Variants in PRDM11 observed in about 807,000 individuals in gnomAD.
PRDM11 encodes PR domain-containing protein 11.
Under a neutral mutation model 97.8 loss-of-function variants are expected in PRDM11, and 20 were observed. The observed-to-expected ratio is 0.20, with a 90% CI of 0.14 to 0.30. PRDM11 has a LOEUF of 0.30. Among genes scored for constraint, PRDM11 ranks in the 10% least tolerant of loss-of-function variants. The pLI, the probability that PRDM11 is intolerant of heterozygous loss-of-function variation, is 1.00. For missense variants in PRDM11, 1,139 were observed against 1,555.2 expected (o/e 0.73, Z 4.50); for synonymous variants, 599 against 637.7 (o/e 0.94, Z 0.91).
At chr11:45,179,617 G>A (rs937667856) in intron 1 of PRDM11, among the ~76,000 whole-genome samples, 8 of 152,200 alleles carry the variant, frequency 5.3e-5, no homozygotes, top group African/African-American at 1.9e-4. Context: ...CCTTCTGGAT[G>A]TGTCCTCATG....
chr11:45,225,949 G>T, intron 7 of PRDM11, 46 bp from the exon 8 acceptor site: 2 of 1,443,552 alleles, frequency 1.4e-6, no homozygotes, highest in Non-Finnish European at 1.8e-6. Context: ...GGAAAAGCCT[G>T]TTTTCTCCCC....
chr11:45,129,847 A>C (rs1353351112), intron 1 of PRDM11, among the ~76,000 whole-genome samples: 1 of 152,216 alleles, frequency 6.6e-6, no homozygotes, highest in Non-Finnish European at 1.5e-5. Context: ...AGAAGAATAA[A>C]GTTGGAGGAC....
chr11:45,227,016 C>T lies in PRDM11; in HGVS notation c.2391C>T (p.Tyr797=). ...AGCAGCTGCTGAGCTTCTACCGCTA[C>T]TCACCGCGCCTCATGTGCGAGCTGC... The part of the protein sequence containing the change: ...NLKQLLSFYR[Y]SPRLMCELRS... Residue 797 remains tyrosine, a synonymous_variant, in exon 8 of 8, where the codon TAC becomes TAT. Coordinates refer to ENST00000683152, the MANE Select transcript of PRDM11 (RefSeq NM_001384648.1). The surrounding 1 kb of genome is among the most constrained non-coding windows in gnomAD (Gnocchi z 8.0). 1 of 1,533,980 alleles carries T rather than the reference C, an allele frequency of 6.5e-7. No individual in the cohort carries two copies. Among genetic ancestry groups the T allele is most frequent in the Non-Finnish European group, 8.7e-7 (1 of 1,146,738 alleles).
chr11:45,182,226 C>A lies in PRDM11; in HGVS notation c.120-20C>A, dbSNP rs371606100. 3.1e-6 allele frequency: 5 copies of A among 1,605,362 alleles called. No individual in the cohort carries two copies. Among genetic ancestry groups the A allele is most frequent in the Middle Eastern group, 1.7e-4 (1 of 6,026 alleles). On this transcript the variant is annotated intron_variant, in intron 2 of 7. Transcript: ENST00000683152. ...TCTGATGACTTCTTTGCTTTCTTTG[C>A]GGGCCTCTGCCCTGGCCAGCTCTAG...
At chr11:45,214,018 G>A in intron 5 of PRDM11, 1 of 321,180 alleles carries the variant, frequency 3.1e-6, no homozygotes, top group Non-Finnish European at 6.1e-6. Flanking sequence ...CTCCCACCCT[G>A]CCCTGGCTCT....
chr11:45,183,849 G>A (rs1852607642), intron 4 of PRDM11, among the ~76,000 whole-genome samples: 1 of 152,144 alleles, frequency 6.6e-6, no homozygotes, highest in Non-Finnish European at 1.5e-5. Flanking sequence ...TATCTCCTTT[G>A]TGCCAGGCAC....
Position 45,227,241 on chromosome 11 carries a change from C to T in PRDM11, c.2616C>T (p.Leu872=). 3.9e-6 allele frequency: 6 copies of T among 1,533,992 alleles called. No homozygotes were observed. The highest frequency in any genetic ancestry group is 5.2e-6 in the Non-Finnish European group (6 of 1,146,742). ...TCGCACTGGCCCTGCTGCAGTTCCT[C>T]ATGGACTACCAGTCCATCAAGCTCA... The part of the protein sequence containing the change: ...SAIALALLQF[L]MDYQSIKLIY... The change falls in exon 8 of 8, where the codon CTC becomes CTT. Residue 872 remains leucine, a synonymous_variant. Transcript: ENST00000683152. This position sits in a 1 kb window ranked among gnomAD's most constrained non-coding sequence, Gnocchi z 8.0.
rs566509465 is a variant in PRDM11, at chr11:45,227,718, G to A, written c.3093G>A (p.Leu1031=). 75 of 1,533,906 alleles carry A rather than the reference G, an allele frequency of 4.9e-5. No individual in the cohort carries two copies. The African/African-American group carries it at 1.0e-3, about 20-fold the overall frequency. The change falls in exon 8 of 8, where the codon CTG becomes CTA. Residue 1031 remains leucine, a synonymous_variant. Transcript: ENST00000683152. This position sits in a 1 kb window ranked among gnomAD's most constrained non-coding sequence, Gnocchi z 8.0. ...TFSRDVCREG[L]DPRGSLLMEW... Reference sequence around the variant, plus strand: ...CCCGGGATGTCTGTAGGGAAGGGCTGGACCCCCGGGGTAGTCTGTTGATGG... The same window carrying A: ...CCCGGGATGTCTGTAGGGAAGGGCTAGACCCCCGGGGTAGTCTGTTGATGG...
chr11:45,226,521 C>T lies in PRDM11; in HGVS notation c.1896C>T (p.Asp632=). Residue 632 remains aspartate (D), a synonymous_variant, in exon 8 of 8, where the codon GAC becomes GAT. Transcript: ENST00000683152. ...TGGACCAGTACATGAATGAGGGAGA[C>T]TGCCAGATCCTCATCCATCACATCG... ...KVVDQYMNEG[D]CQILIHHIAR... 3 of 1,533,972 alleles carry T rather than the reference C, an allele frequency of 2.0e-6. No individual in the cohort carries two copies. The South Asian group carries it at 3.6e-5, about 18-fold the overall frequency.
At chr11:45,181,234 C>A (rs1852486934) in intron 1 of PRDM11, among the ~76,000 whole-genome samples, 1 of 151,932 alleles carries the variant, frequency 6.6e-6, no homozygotes, top group South Asian at 2.1e-4. Flanking sequence ...GGCTGGCCCT[C>A]GCCAGCGCCC....
chr11:45,187,951 G>T (rs1023433868), intron 4 of PRDM11, among the ~76,000 whole-genome samples: 2 of 152,054 alleles, frequency 1.3e-5, no homozygotes, highest in African/African-American at 2.4e-5. Context: ...GGAAGGTGGG[G>T]TGAACAGTGG....
intron 1 of PRDM11, 66 bp from the exon 2 acceptor site, chr11:45,181,695 C>T (rs987962339): frequency 1.4e-6 from 2 of 1,399,804 alleles, no homozygotes; most frequent in South Asian, 1.2e-5. Flanking sequence ...CCCTCTCCGC[C>T]GCTCACTCCT....
Position 45,232,622 on chromosome 11 carries a change from T to G in PRDM11, c.*4463T>G, listed in dbSNP as rs1375302804. 6.6e-6 allele frequency: 1 copy of G among 152,306 alleles called. No individual in the cohort carries two copies. The highest frequency in any genetic ancestry group is 6.5e-5 in the Admixed American group (1 of 15,282). The allele number at this position is 152,306 out of a possible 1,614,324, so 9.4% of individuals were successfully genotyped here. A position where few individuals can be genotyped will look rare whatever the true frequency, so the allele number is the denominator to read the frequency against. ...GGTGTGCCCATTCCAGACACCAGTC[T>G]TCTGGGGAGGTGGTGCCGTGTCATG... On this transcript the variant is annotated 3_prime_UTR_variant, in exon 8 of 8. Coordinates refer to ENST00000683152, the MANE Select transcript of PRDM11 (RefSeq NM_001384648.1).
intron 1 of PRDM11, among the ~76,000 whole-genome samples, chr11:45,133,905 A>G (rs984945481): frequency 6.6e-6 from 1 of 152,222 alleles, no homozygotes; most frequent in African/African-American, 2.4e-5. Flanking sequence ...TGCCACAGCC[A>G]TCAGCACTGT....
At chr11:45,174,586 T>C (rs564186486) in intron 1 of PRDM11, among the ~76,000 whole-genome samples, 1 of 152,340 alleles carries the variant, frequency 6.6e-6, no homozygotes, top group African/African-American at 2.4e-5. Context: ...CAAGCGCCAC[T>C]TGTGTGCCTG....
chr11:45,188,756 A>G (rs773972026), intron 4 of PRDM11, among the ~76,000 whole-genome samples: 13 of 152,172 alleles, frequency 8.5e-5, no homozygotes, highest in Non-Finnish European at 1.6e-4. Flanking sequence ...GCTGTGATTC[A>G]TTGCCAAGAT....
chr11:45,096,107 G>A (rs1458576309), intron 1 of PRDM11, among the ~76,000 whole-genome samples: 7 of 152,122 alleles, frequency 4.6e-5, no homozygotes, highest in African/African-American at 2.4e-5. Flanking sequence ...TATAGCACAC[G>A]CTGATAGCTC....
chr11:45,210,053 G>T (rs1306643626), intron 5 of PRDM11, among the ~76,000 whole-genome samples: 1 of 152,234 alleles, frequency 6.6e-6, no homozygotes, highest in Non-Finnish European at 1.5e-5. Context: ...AAGCCCAAGT[G>T]TAGCAGCGCG....
chr11:45,215,487 A>G (rs1853930640), intron 5 of PRDM11, among the ~76,000 whole-genome samples: 1 of 152,236 alleles, frequency 6.6e-6, no homozygotes, highest in Admixed American at 6.5e-5. Context: ...AGGTCAATGT[A>G]TGAAGCAGTG....
Sources: allele counts gnomAD v4.1 joint callset (sites outside exome capture counted in the v4.1 genomes callset), GRCh38; gene constraint gnomAD v4.1.1; non-coding constraint Gnocchi (gnomAD v3.1); transcripts MANE v1.5; gene names NCBI Gene and HGNC (gene_info 2026-07-23, HGNC 2026-07-21).